Variants in SULT1A2 observed in about 807,000 individuals in gnomAD.
SULT1A2 encodes the protein sulfotransferase family 1A member 2, also known as sulfotransferase 1A2.
In SULT1A2, 33 loss-of-function variants were observed where a neutral mutation model predicts 36.0. That is an observed-to-expected ratio of 0.92 (90% CI 0.69 to 1.22). The LOEUF (loss-of-function observed/expected upper bound fraction) is 1.22. Ranked by LOEUF, SULT1A2 falls within the 50% of genes most tolerant of loss-of-function variation. The pLI, the probability that SULT1A2 is intolerant of heterozygous loss-of-function variation, is 0.00. For missense variants in SULT1A2, 367 were observed against 383.2 expected (o/e 0.96, Z 0.35); for synonymous variants, 138 against 144.5 (o/e 0.96, Z 0.32).
In SULT1A2 at chr16:28,595,642, ATCATG is replaced by A; in HGVS notation, c.177_181del (p.Met60LeufsTer5). Reference sequence around the variant, plus strand: ...CTTTTCCAGGTCACCGCCCTGGTAGATCATGTCCAGAATCTGGCTCACCCAGGTGG... The same window carrying A: ...CTTTTCCAGGTCACCGCCCTGGTAGATCCAGAATCTGGCTCACCCAGGTGG... On this transcript the variant is annotated frameshift_variant, in exon 3 of 8. Coordinates refer to ENST00000335715, the MANE Select transcript of SULT1A2 (RefSeq NM_001054.4). LOFTEE classifies it high-confidence loss of function. 1 of 1,614,166 alleles carries A rather than the reference ATCATG, an allele frequency of 6.2e-7. No individual in the cohort carries two copies. The highest frequency in any genetic ancestry group is 2.2e-5 in the East Asian group (1 of 44,880).
chr16:28,595,531 G>C lies in SULT1A2; in HGVS notation c.274+19C>G. On this transcript the variant is annotated intron_variant, in intron 3 of 7. Transcript: ENST00000335715. The stretch of plus-strand genomic sequence containing the variant: ...AGCCCTGTCTTCCTCCACTCCCCTT[G>C]CACCCAGGACACACACACCTGAGGG... 6.2e-7 allele frequency: 1 copy of C among 1,614,136 alleles called. No individual in the cohort carries two copies. Among genetic ancestry groups the C allele is most frequent in the Non-Finnish European group, 8.5e-7 (1 of 1,180,014 alleles).
chr16:28,594,817 G>C (rs1193414735), intron 4 of SULT1A2, among the ~76,000 whole-genome samples: 5 of 73,222 alleles, frequency 6.8e-5, no homozygotes, highest in Admixed American at 2.3e-4. Context: ...TTTTGCTCTT[G>C]TTTCCCAGGC....
Position 28,595,419 on chromosome 16 carries a change from G to C in SULT1A2, c.320C>G (p.Thr107Arg), listed in dbSNP as rs760880500. 1.2e-6 allele frequency: 2 copies of C among 1,614,120 alleles called. No individual in the cohort carries two copies. Among genetic ancestry groups the C allele is most frequent in the East Asian group, 4.5e-5 (2 of 44,884 alleles). The change falls in exon 4 of 8, where the codon ACA becomes AGA. Residue 107 changes from threonine (T) to arginine (R), a missense_variant. Physicochemically the swap from Thr to Arg is moderately conservative, Grantham distance 71 (BLOSUM62 -1). Coordinates refer to ENST00000335715, the MANE Select transcript of SULT1A2 (RefSeq NM_001054.4). Reference sequence around the variant, plus strand: ...GGGGAGCAGAGCCAGGGGCAGGTGTGTCTTCAGGAGTCGTGGGGCTGGTGT... The same window carrying C: ...GGGGAGCAGAGCCAGGGGCAGGTGTCTCTTCAGGAGTCGTGGGGCTGGTGT... ...KNTPAPRLLK[T>R]HLPLALLPQT...
At position 28,595,646 on chromosome 16, in the gene SULT1A2, T is replaced by C; in HGVS notation, c.178A>G (p.Met60Val). The change falls in exon 3 of 8, where the codon ATG becomes GTG. Residue 60 changes from methionine to valine, a missense_variant. Met to Val is a conservative substitution (Grantham distance 21, BLOSUM62 1). Transcript: ENST00000335715. ...GTTWVSQILD[M>V]IYQGGDLEKC... ...TCCAGGTCACCGCCCTGGTAGATCATGTCCAGAATCTGGCTCACCCAGGTG... is the reference window on the plus strand; with the variant it reads ...TCCAGGTCACCGCCCTGGTAGATCACGTCCAGAATCTGGCTCACCCAGGTG... 6 of 1,614,154 alleles carry C rather than the reference T, an allele frequency of 3.7e-6. No individual in the cohort carries two copies. Among genetic ancestry groups the C allele is most frequent in the Non-Finnish European group, 5.1e-6 (6 of 1,179,996 alleles).
rs1478296313 is a variant in SULT1A2 at position 28,596,419 on chromosome 16, T to C, written c.-4-485A>G. ...TCGGCCCCTCACATGTGGCAACTCC[T>C]AGGCTGGCCAGGCCTGTGATCCACT... On this transcript the variant is annotated intron_variant, in intron 1 of 7. Coordinates refer to ENST00000335715, the MANE Select transcript of SULT1A2 (RefSeq NM_001054.4). The C allele has an allele frequency of 1.8e-5, 17 of 969,756 alleles. No individual in the cohort carries two copies. In the East Asian group the frequency reaches 4.8e-4, roughly 27 times the overall value. 60.1% of individuals were successfully genotyped at this position (969,756 alleles called of 1,614,324 possible). A position where few individuals can be genotyped will look rare whatever the true frequency, so the allele number is the denominator to read the frequency against.
At chr16:28,596,607 G>C (rs1168711303) in intron 1 of SULT1A2, 1 of 219,002 alleles carries the variant, frequency 4.6e-6, no homozygotes, top group African/African-American at 2.4e-5. Flanking sequence ...CAGACCCTAG[G>C]GAGGCTGAGG....
intron 6 of SULT1A2, 114 bp from the exon 7 acceptor site, chr16:28,592,557 A>G: frequency 6.4e-7 from 1 of 1,566,616 alleles, no homozygotes; most frequent in East Asian, 2.3e-5. Context: ...CAAAACCCAT[A>G]GAGCCAGCTC....
Position 28,593,339 on chromosome 16 carries a change from A to G in SULT1A2, c.507T>C (p.Tyr169=), listed in dbSNP as rs142008815. ...CTTGCACGTGCTGGTACCAGGACCCATAGGACACTGGAGAAGCGGGCAGGG... is the reference window on the plus strand; with the variant it reads ...CTTGCACGTGCTGGTACCAGGACCCGTAGGACACTGGAGAAGCGGGCAGGG... ...LEKFMAGEVS[Y]GSWYQHVQEW... The change falls in exon 6 of 8, where the codon TAT becomes TAC. Residue 169 remains tyrosine (Y), a synonymous_variant. Coordinates refer to ENST00000335715, the MANE Select transcript of SULT1A2 (RefSeq NM_001054.4). 5.1e-5 allele frequency: 83 copies of G among 1,614,206 alleles called. No individual in the cohort carries two copies. In the African/African-American group the frequency reaches 9.2e-4, roughly 18 times the overall value.
rs1235649973 is a variant in SULT1A2 at position 28,592,139 on chromosome 16, G to A, written c.777C>T (p.Gly259=). 6.2e-7 allele frequency: 1 copy of A among 1,612,222 alleles called. No individual in the cohort carries two copies. The highest frequency in any genetic ancestry group is 8.5e-7 in the Non-Finnish European group (1 of 1,179,836). Residue 259 remains glycine, a splice_region_variant and synonymous_variant, in exon 8 of 8, where the codon GGC becomes GGT. Coordinates refer to ENST00000335715, the MANE Select transcript of SULT1A2 (RefSeq NM_001054.4). The stretch of plus-strand genomic sequence containing the variant: ...AGGTGGTCTTCCAGTCCCCAGCCAT[G>A]CCTGGGGGAGGAAGGCAGGGAGCAA... ...DHSISPFMRK[G]MAGDWKTTFT...
In SULT1A2 at chr16:28,595,435, G is replaced by T. The variant is rs1050503728; in HGVS notation, c.304C>A (p.Pro102Thr). Residue 102 changes from proline to threonine, a missense_variant, in exon 4 of 8, where the codon CCA (proline) becomes ACA (threonine). Transcript: ENST00000335715. Reference protein sequence around the residue: ...GMETLKNTPAPRLLKTHLPLA... With the variant: ...GMETLKNTPATRLLKTHLPLA... ...GGCAGGTGTGTCTTCAGGAGTCGTG[G>T]GGCTGGTGTGTTTTTCAGAGTCTCC... 6.2e-7 allele frequency: 1 copy of T among 1,614,052 alleles called. No homozygotes were observed. The highest frequency in any genetic ancestry group is 2.2e-5 in the East Asian group (1 of 44,876).
chr16:28,594,298 G>T (rs1424983414), intron 4 of SULT1A2, among the ~76,000 whole-genome samples: 1 of 151,992 alleles, frequency 6.6e-6, no homozygotes, highest in African/African-American at 2.4e-5. Context: ...ATGCCACCAT[G>T]CCCTGCTGAT....
At chr16:28,596,829 C>T (rs901921228) in intron 1 of SULT1A2, 168 bp downstream of exon 1, 30 of 405,562 alleles carry the variant, frequency 7.4e-5, no homozygotes, top group Admixed American at 8.7e-5. Flanking sequence ...CTGGCCTCCC[C>T]GGAAAAAAAA....
rs772867247 is a variant in SULT1A2 at position 28,591,992 on chromosome 16, C to A, written c.*36G>T. The A allele has an allele frequency of 5.6e-6, 9 of 1,611,836 alleles. No individual in the cohort carries two copies. On this transcript the variant is annotated 3_prime_UTR_variant, in exon 8 of 8. Transcript: ENST00000335715. ...TGGAGCCTCTTGGTCAGGCTTGATT[C>A]GCACACTCCCTCTGCAGTGACTCCA...
At chr16:28,592,901 A>G (rs1380969210) in intron 6 of SULT1A2, among the ~76,000 whole-genome samples, 1 of 152,040 alleles carries the variant, frequency 6.6e-6, no homozygotes, top group Non-Finnish European at 1.5e-5. Flanking sequence ...AATCTCAGCT[A>G]CTCAGGAGGC....
intron 1 of SULT1A2, 119 bp from the exon 2 acceptor site, chr16:28,596,053 C>G (rs1262472974): frequency 9.6e-6 from 15 of 1,570,406 alleles, no homozygotes; most frequent in Admixed American, 1.8e-5. Context: ...CTTGCCCGCA[C>G]TCACAAGGCC....
At position 28,593,367 on chromosome 16, in the gene SULT1A2, T is replaced by C. The variant is rs767387904; in HGVS notation, c.500-21A>G. The C allele has an allele frequency of 1.3e-5, 21 of 1,614,016 alleles. 1 individual carries two copies. In the Admixed American group the frequency reaches 2.5e-4, roughly 19 times the overall value. On this transcript the variant is annotated intron_variant, in intron 5 of 7. Transcript: ENST00000335715. ...GGACACTGGAGAAGCGGGCAGGGAG[T>C]GCCGACACAGGGTTGCTGTGCGTTG...
intron 4 of SULT1A2, among the ~76,000 whole-genome samples, chr16:28,594,840 G>T (rs372674259): frequency 7.7e-6 from 1 of 129,706 alleles, no homozygotes; most frequent in South Asian, 2.5e-4. Context: ...CAGTGCAATG[G>T]TGAGGTCTCG....
Position 28,594,770 on chromosome 16 carries a change from CTTTTTTTTTTTTT to C in SULT1A2, c.372+584_372+596del, listed in dbSNP as rs1033591115. ...AGGCCCAGCCCCCTGCCACCTGCCGCTTTTTTTTTTTTTTTTTTTTTTTTTTTGAGACAGAGTT... is the reference window on the plus strand; with the variant it reads ...AGGCCCAGCCCCCTGCCACCTGCCGCTTTTTTTTTTTTTTGAGACAGAGTT... On this transcript the variant is annotated intron_variant, in intron 4 of 7. Transcript: ENST00000335715. Among the ~76,000 whole-genome samples, 8 of 53,844 alleles carry C rather than the reference CTTTTTTTTTTTTT, an allele frequency of 1.5e-4. No homozygotes were observed. In the Admixed American group the frequency reaches 1.7e-3, roughly 11 times the overall value. The allele number at this position is 53,844 out of a possible 152,430, so 35.3% of individuals were successfully genotyped here.
At chr16:28,593,993 C>T (rs1457641799) in intron 4 of SULT1A2, among the ~76,000 whole-genome samples, 1 of 152,048 alleles carries the variant, frequency 6.6e-6, no homozygotes, top group South Asian at 2.1e-4. Flanking sequence ...TGAGGCGACT[C>T]TCCCAGAAGA....
Sources: allele counts gnomAD v4.1 joint callset (sites outside exome capture counted in the v4.1 genomes callset), GRCh38; gene constraint gnomAD v4.1.1; transcripts MANE v1.5; gene names NCBI Gene and HGNC (gene_info 2026-07-23, HGNC 2026-07-21).